CCDC149: variants seen among roughly 807,000 people sequenced by gnomAD.
CCDC149 encodes the protein coiled-coil domain-containing protein 149.
In CCDC149, 45 loss-of-function variants were observed where a neutral mutation model predicts 59.9. The observed-to-expected ratio is 0.75, with a 90% CI of 0.59 to 0.96. CCDC149 has a LOEUF of 0.96. Ranked by LOEUF, CCDC149 falls within the 40% of genes least tolerant of loss-of-function variation. CCDC149 has a pLI of 0.00. For missense variants in CCDC149, 584 were observed against 664.7 expected (o/e 0.88, Z 1.33); for synonymous variants, 245 against 260.6 (o/e 0.94, Z 0.58).
chr4:24,826,511 G>A lies in CCDC149; in HGVS notation c.966-3938C>T, dbSNP rs182705915. Among the ~76,000 whole-genome samples, 675 of 152,274 alleles carry A rather than the reference G, an allele frequency of 4.4e-3. 3 individuals carry two copies. The highest frequency in any genetic ancestry group is 7.7e-3 in the Non-Finnish European group (522 of 68,036). On this transcript the variant is annotated intron_variant, in intron 9 of 12. Coordinates refer to ENST00000635206, the MANE Select transcript of CCDC149 (RefSeq NM_001330643.2). ...GATCTGTGCAGACACAACGGATGCAGGAAGAAAGGCAAAGATCTGAGAGTG... is the reference window on the plus strand; with the variant it reads ...GATCTGTGCAGACACAACGGATGCAAGAAGAAAGGCAAAGATCTGAGAGTG...
intron 1 of CCDC149, among the ~76,000 whole-genome samples, chr4:24,911,956 C>T (rs1036727313): frequency 6.6e-6 from 1 of 152,160 alleles, no homozygotes; most frequent in African/African-American, 2.4e-5. Flanking sequence ...GGAGAAATTC[C>T]CCGGCATGGG....
intron 1 of CCDC149, among the ~76,000 whole-genome samples, chr4:24,881,329 CG>C (rs1312029542): frequency 3.3e-5 from 5 of 152,150 alleles, no homozygotes; most frequent in African/African-American, 1.2e-4. Context: ...CTGCTTTGCC[CG>C]ATAAAATGGG....
At chr4:24,813,489 A>AAT (rs57650226) in intron 12 of CCDC149, among the ~76,000 whole-genome samples, 342 of 113,680 alleles carry the variant, frequency 3.0e-3, no homozygotes, top group Middle Eastern at 0.015. Context: ...CAGCTTGGGG[A>AAT]ATATATATAT....
intron 1 of CCDC149, among the ~76,000 whole-genome samples, chr4:24,909,886 T>C (rs985618528): frequency 6.6e-6 from 1 of 152,170 alleles, no homozygotes; most frequent in Non-Finnish European, 1.5e-5. Context: ...TTGTGAGGCC[T>C]CCCCAGTCAT....
At chr4:24,834,427 C>T (rs971400531) in intron 8 of CCDC149, among the ~76,000 whole-genome samples, 10 of 152,108 alleles carry the variant, frequency 6.6e-5, no homozygotes, top group African/African-American at 9.7e-5. Flanking sequence ...TCAATAAAAG[C>T]TTCTTCGAAA....
At chr4:24,877,572 A>T (rs1204675665) in intron 1 of CCDC149, among the ~76,000 whole-genome samples, 1 of 152,186 alleles carries the variant, frequency 6.6e-6, no homozygotes, top group East Asian at 1.9e-4. Context: ...GCACCTGCCC[A>T]CCAAACCCAG....
At chr4:24,916,959 C>G (rs1279533865), upstream of CCDC149, among the ~76,000 whole-genome samples, 4 of 152,124 alleles carry the variant, frequency 2.6e-5, no homozygotes, top group African/African-American at 9.7e-5. Context: ...GACTGCAGGT[C>G]CTGGTGAGTG....
At chr4:24,938,862 T>C (rs1722862556) in intron 1 of CCDC149, among the ~76,000 whole-genome samples, 1 of 152,210 alleles carries the variant, frequency 6.6e-6, no homozygotes. Flanking sequence ...CGCCCGCCAT[T>C]GCTCAGGCTT....
chr4:24,844,480 T>C (rs1717141818), intron 4 of CCDC149, among the ~76,000 whole-genome samples: 1 of 151,944 alleles, frequency 6.6e-6, no homozygotes, highest in Admixed American at 6.6e-5. Flanking sequence ...CATGTACAAA[T>C]CAATGGGCCG....
chr4:24,916,824 G>GTGTGTGTGTA (rs773321362), upstream of CCDC149, among the ~76,000 whole-genome samples: 15 of 148,294 alleles, frequency 1.0e-4, no homozygotes, highest in African/African-American at 3.8e-4. Flanking sequence ...GTGTGTGTGT[G>GTGTGTGTGTA]TACATATATT....
chr4:24,835,017 G>A lies in CCDC149; in HGVS notation c.751C>T (p.Arg251Trp), dbSNP rs199742117. The change falls in exon 8 of 13, where the codon CGG becomes TGG. Residue 251 changes from arginine to tryptophan, a missense_variant. Coordinates refer to ENST00000635206, the MANE Select transcript of CCDC149 (RefSeq NM_001330643.2). ...TTACCCTGGCCCTTCGAGTTTTTCCGTCTCTCCAGAGCATTCTAAAACAGG... is the reference window on the plus strand; with the variant it reads ...TTACCCTGGCCCTTCGAGTTTTTCCATCTCTCCAGAGCATTCTAAAACAGG... 50 of 1,613,610 alleles carry A rather than the reference G, an allele frequency of 3.1e-5. No homozygotes were observed. In the Admixed American group the frequency reaches 3.7e-4, roughly 12 times the overall value.
chr4:24,910,615 C>A (rs755771430), intron 1 of CCDC149, among the ~76,000 whole-genome samples: 1 of 152,218 alleles, frequency 6.6e-6, no homozygotes, highest in Admixed American at 6.5e-5. Flanking sequence ...TTGAATCAGA[C>A]ATGGTCTCCT....
chr4:24,915,600 G>A (rs536823704), upstream of CCDC149, among the ~76,000 whole-genome samples: 3 of 152,178 alleles, frequency 2.0e-5, no homozygotes, highest in South Asian at 2.1e-4. Context: ...CAGTTATTAC[G>A]GTATTTAAAA....
chr4:24,922,958 A>T (rs1374505864), intron 1 of CCDC149, among the ~76,000 whole-genome samples: 1 of 151,886 alleles, frequency 6.6e-6, no homozygotes, highest in East Asian at 1.9e-4. Flanking sequence ...CACAAGATTG[A>T]TCACCAGCAA....
intron 1 of CCDC149, among the ~76,000 whole-genome samples, chr4:24,974,737 A>G (rs60939865): frequency 0.024 from 3,699 of 152,248 alleles, 149 homozygotes; most frequent in African/African-American, 0.085. Flanking sequence ...GCCTCGGATG[A>G]TCCAATTCTG....
chr4:24,856,061 G>T (rs1717984120), intron 3 of CCDC149, among the ~76,000 whole-genome samples: 1 of 152,192 alleles, frequency 6.6e-6, no homozygotes. Flanking sequence ...GGCATCATGT[G>T]TGGGCTCACT....
intron 9 of CCDC149, 68 bp from the exon 10 acceptor site, chr4:24,822,641 C>A: frequency 9.4e-7 from 1 of 1,062,146 alleles, no homozygotes; most frequent in South Asian, 1.5e-5. Context: ...CTGGGAATCC[C>A]ACTGGTGCCC....
At chr4:24,973,431 G>A (rs1724043112) in intron 1 of CCDC149, among the ~76,000 whole-genome samples, 1 of 152,156 alleles carries the variant, frequency 6.6e-6, no homozygotes, top group Non-Finnish European at 1.5e-5. Context: ...TTAAGTATAT[G>A]GAGTTTACTG....
At chr4:24,915,033 C>T (rs1041505812), upstream of CCDC149, among the ~76,000 whole-genome samples, 3 of 152,148 alleles carry the variant, frequency 2.0e-5, no homozygotes, top group African/African-American at 7.2e-5. Context: ...TGCTAGAGAA[C>T]AGCAGAAAAA....
Sources: allele counts gnomAD v4.1 joint callset (sites outside exome capture counted in the v4.1 genomes callset), GRCh38; gene constraint gnomAD v4.1.1; transcripts MANE v1.5; gene names NCBI Gene and HGNC (gene_info 2026-07-23, HGNC 2026-07-21).